Variants in DNAH9 observed in about 807,000 individuals in gnomAD.
DNAH9 encodes DNAH9 variant protein.
DNAH9 carries 345 observed loss-of-function variants against 471.6 expected under a neutral mutation model. The ratio of observed to expected loss-of-function variants is 0.73; its 90% confidence interval spans 0.67 to 0.80. The LOEUF (loss-of-function observed/expected upper bound fraction) is 0.80. Among genes scored for constraint, DNAH9 ranks in the 30% least tolerant of loss-of-function variants. The pLI is 0.00. For missense variants in DNAH9, 5,407 were observed against 5,609.2 expected, an observed-to-expected ratio of 0.96 and a Z score of 1.15; for synonymous variants, 2,093 against 2,123.6, an observed-to-expected ratio of 0.99 and a Z score of 0.40.
At chr17:11,961,512 T>C (rs1051448275) in intron 67 of DNAH9, among the ~76,000 whole-genome samples, 27 of 152,040 alleles carry the variant, frequency 1.8e-4, no homozygotes, top group Admixed American at 5.9e-4. Context: ...AGGAGAGTCA[T>C]GGAATTTAAG....
At chr17:11,679,578 C>T (rs1055328855) in intron 17 of DNAH9, among the ~76,000 whole-genome samples, 179 bp from the exon 18 acceptor site, 1 of 152,202 alleles carries the variant, frequency 6.6e-6, no homozygotes, top group Non-Finnish European at 1.5e-5. Flanking sequence ...ACCTTAACAC[C>T]TTGTGCAAGA....
rs1157505657 is a variant in DNAH9, at chr17:11,759,517, C to CTTTTT, written c.6995+1844_6995+1848dup. Among the ~76,000 whole-genome samples, 97 of 83,964 alleles carry CTTTTT rather than the reference C, an allele frequency of 1.2e-3. 3 individuals carry two copies. Among genetic ancestry groups the CTTTTT allele is most frequent in the Non-Finnish European group, 1.4e-3 (61 of 44,186 alleles). 55.1% of individuals were successfully genotyped at this position (83,964 alleles called of 152,430 possible). A position where few individuals can be genotyped will look rare whatever the true frequency, so the allele number is the denominator to read the frequency against. The stretch of plus-strand genomic sequence containing the variant: ...TATACATAGGTATATATACACACCA[C>CTTTTT]TTTTTTTTTTTTTTTTTTTTTTTGA... On this transcript the variant is annotated intron_variant, in intron 35 of 68. Transcript: ENST00000262442.
chr17:11,693,236 CCTT>C (rs1668655393), intron 20 of DNAH9, among the ~76,000 whole-genome samples: 1 of 133,244 alleles, frequency 7.5e-6, no homozygotes, highest in African/African-American at 2.9e-5. Flanking sequence ...TTTAAAATGC[CCTT>C]TTTTTTTTTT....
At position 11,629,595 on chromosome 17, in the gene DNAH9, G is replaced by A. The variant is rs772061043; in HGVS notation, c.1518+11G>A. The A allele has an allele frequency of 3.7e-6, 6 of 1,610,552 alleles. No individual in the cohort carries two copies. The highest frequency in any genetic ancestry group is 5.1e-6 in the Non-Finnish European group (6 of 1,178,276). On this transcript the variant is annotated intron_variant, in intron 7 of 68. Transcript: ENST00000262442. ...TACCTCCAAAGCACGGTAGGGTTGG[G>A]AAGGGCTGAATCGCCAGCTCTGCCT...
At chr17:11,963,646 T>A in intron 68 of DNAH9, among the ~76,000 whole-genome samples, 1 of 150,806 alleles carries the variant, frequency 6.6e-6, no homozygotes. Context: ...ATCCCCTGTA[T>A]CTAAGAGTTG....
chr17:11,899,670 G>C (rs1263273690), intron 59 of DNAH9, among the ~76,000 whole-genome samples: 1 of 152,216 alleles, frequency 6.6e-6, no homozygotes, highest in Non-Finnish European at 1.5e-5. Flanking sequence ...AGACGCCAGA[G>C]GGGGTTGCAG....
intron 28 of DNAH9, among the ~76,000 whole-genome samples, chr17:11,731,531 T>C (rs1210847966): frequency 6.8e-6 from 1 of 147,208 alleles, no homozygotes; most frequent in Non-Finnish European, 1.5e-5. Flanking sequence ...GTATATCTCC[T>C]AATGCTATCC....
intron 15 of DNAH9, among the ~76,000 whole-genome samples, chr17:11,665,543 CAATT>C (rs1486575385): frequency 6.6e-5 from 10 of 152,154 alleles, no homozygotes; most frequent in Middle Eastern, 3.2e-3. Flanking sequence ...TTTTAAAAAA[CAATT>C]AAAGGCTTTG....
rs1185596885 is a variant in DNAH9 at position 11,651,060 on chromosome 17, T to C, written c.2098-9T>C. The C allele has an allele frequency of 5.6e-6, 9 of 1,611,378 alleles. No homozygotes were observed. Among genetic ancestry groups the C allele is most frequent in the Non-Finnish European group, 7.6e-6 (9 of 1,178,212 alleles). On this transcript the variant is annotated splice_polypyrimidine_tract_variant and intron_variant, in intron 12 of 68. Coordinates refer to ENST00000262442, the MANE Select transcript of DNAH9 (RefSeq NM_001372.4). ...AACGACAGACACTTGTGTTGCTTCT[T>C]TTCTCCAGCTGATTTCAGTGCTGAA...
Position 11,881,316 on chromosome 17 carries a change from C to T in DNAH9, c.10709C>T (p.Ala3570Val), listed in dbSNP as rs771037549. The change falls in exon 55 of 69, where the codon GCC becomes GTC. Residue 3570 changes from alanine to valine, a missense_variant. Ala to Val is a moderately conservative substitution (Grantham distance 64). This residue lies in a region of DNAH9 where 4,636 missense variants were observed against 4,900.3 expected (regional missense o/e 0.95). Transcript: ENST00000262442. Reference protein sequence around the residue: ...PHYQPELQAQATLINFTVTRD... With the variant: ...PHYQPELQAQVTLINFTVTRD... ...TACCAGCCTGAGCTGCAGGCTCAGGCCACCCTGATCAACTTCACCGTGACC... is the reference window on the plus strand; with the variant it reads ...TACCAGCCTGAGCTGCAGGCTCAGGTCACCCTGATCAACTTCACCGTGACC... 71 of 1,613,976 alleles carry T rather than the reference C, an allele frequency of 4.4e-5. 1 individual carries two copies. Among genetic ancestry groups the T allele is most frequent in the Non-Finnish European group, 5.7e-5 (67 of 1,180,006 alleles).
chr17:11,729,975 A>T (rs548972778), intron 28 of DNAH9, among the ~76,000 whole-genome samples: 1 of 151,898 alleles, frequency 6.6e-6, no homozygotes, highest in Admixed American at 6.6e-5. Context: ...GGGTCCCTTC[A>T]CTCACCACTG....
At chr17:11,681,791 A>G (rs1036262636) in intron 19 of DNAH9, among the ~76,000 whole-genome samples, 1 of 152,208 alleles carries the variant, frequency 6.6e-6, no homozygotes, top group African/African-American at 2.4e-5. Context: ...AAAAAAAAAT[A>G]CAACTTCACT....
In DNAH9 at chr17:11,747,547, C is replaced by A; in HGVS notation, c.6400-9C>A. The A allele has an allele frequency of 6.2e-7, 1 of 1,612,004 alleles. No individual in the cohort carries two copies. The highest frequency in any genetic ancestry group is 8.5e-7 in the Non-Finnish European group (1 of 1,179,282). On this transcript the variant is annotated splice_polypyrimidine_tract_variant and intron_variant, in intron 31 of 68. Coordinates refer to ENST00000262442, the MANE Select transcript of DNAH9 (RefSeq NM_001372.4). ...CTGGTCCCTCTGGCTGAATTTCCTG[C>A]CTCCTCAGGTGGTCCAGCTGGAGGA...
At chr17:11,615,836 A>G (rs2072730745) in intron 4 of DNAH9, among the ~76,000 whole-genome samples, 1 of 152,222 alleles carries the variant, frequency 6.6e-6, no homozygotes, top group African/African-American at 2.4e-5. Flanking sequence ...TTCTCTCAGC[A>G]CTTACGGAAG....
intron 50 of DNAH9, 50 bp downstream of exon 50, chr17:11,854,478 C>A: frequency 6.5e-7 from 1 of 1,546,112 alleles, no homozygotes; most frequent in Non-Finnish European, 8.7e-7. Context: ...CCAATACAAA[C>A]AACGCTCTTC....
At chr17:11,686,953 A>G (rs2074251906) in intron 19 of DNAH9, among the ~76,000 whole-genome samples, 1 of 152,244 alleles carries the variant, frequency 6.6e-6, no homozygotes, top group Non-Finnish European at 1.5e-5. Context: ...GTCAAGATAA[A>G]AAGTGGAACC....
intron 38 of DNAH9, 131 bp downstream of exon 38, chr17:11,769,460 A>G (rs1968111478): frequency 2.6e-6 from 2 of 755,262 alleles, no homozygotes; most frequent in Admixed American, 4.3e-5. Flanking sequence ...ACTTCCTCCC[A>G]CACGCCCCTT....
Position 11,598,788 on chromosome 17 carries a change from G to C in DNAH9, c.290G>C (p.Gly97Ala). The stretch of plus-strand genomic sequence containing the variant: ...GTGGGACCTGAGTCGGGCCTGGCTG[G>C]CGCTAAGGCGCTTTTTTTCCTTCGC... ...LEVGPESGLA[G>A]AKALFFLRTG... Residue 97 changes from glycine (G) to alanine (A), a missense_variant, in exon 1 of 69, where the codon GGC (glycine) becomes GCC (alanine). Gly to Ala is a moderately conservative substitution (Grantham distance 60, BLOSUM62 0). Coordinates refer to ENST00000262442, the MANE Select transcript of DNAH9 (RefSeq NM_001372.4). 3 of 1,474,168 alleles carry C rather than the reference G, an allele frequency of 2.0e-6. No homozygotes were observed. The highest frequency in any genetic ancestry group is 2.7e-6 in the Non-Finnish European group (3 of 1,116,224). The allele number at this position is 1,474,168 out of a possible 1,614,324, so 91.3% of individuals were successfully genotyped here.
At chr17:11,716,799 G>A (rs2074972788) in intron 26 of DNAH9, among the ~76,000 whole-genome samples, 1 of 152,204 alleles carries the variant, frequency 6.6e-6, no homozygotes. Flanking sequence ...GAAAGGCAAT[G>A]AGAGGGAAGG....
Sources: allele counts gnomAD v4.1 joint callset (sites outside exome capture counted in the v4.1 genomes callset), GRCh38; gene constraint gnomAD v4.1.1; regional missense constraint gnomAD v4.1.1; transcripts MANE v1.5; gene names NCBI Gene and HGNC (gene_info 2026-07-23, HGNC 2026-07-21).